The following LIN7A variants were observed in gnomAD, a reference collection of about 807,000 sequenced individuals.
LIN7A encodes lin-7 cell polarity scaffold A.
In LIN7A, 25 loss-of-function variants were observed where a neutral mutation model predicts 29.8. The observed-to-expected ratio is 0.84, with a 90% confidence interval of 0.61 to 1.17. The LOEUF (loss-of-function observed/expected upper bound fraction) is 1.17. Ranked by LOEUF, LIN7A falls within the 50% of genes most tolerant of loss-of-function variation. The probability of loss-of-function intolerance (pLI) is 0.00; values close to 1 mark genes in which losing one functional copy is unlikely to be tolerated. For missense variants in LIN7A, 239 were observed against 287.0 expected (o/e 0.83, Z 1.21); for synonymous variants, 118 against 107.5 (o/e 1.10, Z -0.60).
intron 1 of LIN7A, 131 bp from the exon 2 acceptor site, chr12:80,889,500 T>C: frequency 1.6e-6 from 1 of 616,316 alleles, no homozygotes; most frequent in Admixed American, 3.0e-5. Context: ...AGAACTTATA[T>C]TCATAGCTTT....
chr12:80,858,071 A>T (rs915510908), intron 2 of LIN7A, among the ~76,000 whole-genome samples: 1 of 152,202 alleles, frequency 6.6e-6, no homozygotes, highest in Admixed American at 6.5e-5. Context: ...CTATAGGTAC[A>T]TAATATAGCA....
At chr12:80,925,150 G>A (rs564471398) in intron 1 of LIN7A, among the ~76,000 whole-genome samples, 21 of 152,178 alleles carry the variant, frequency 1.4e-4, no homozygotes, top group Admixed American at 3.3e-4. Context: ...CAATGAGTAC[G>A]GAAAGATATA....
chr12:80,833,202 C>A (rs1042046681), intron 4 of LIN7A, among the ~76,000 whole-genome samples: 1 of 152,138 alleles, frequency 6.6e-6, no homozygotes, highest in African/African-American at 2.4e-5. Context: ...GAGCCATAGA[C>A]AACACAACCT....
chr12:80,855,124 G>GAA (rs200679961), intron 2 of LIN7A, among the ~76,000 whole-genome samples: 1 of 146,300 alleles, frequency 6.8e-6, no homozygotes, highest in Non-Finnish European at 1.5e-5. Context: ...TCAATGACTG[G>GAA]AAAAAAAAAA....
intron 2 of LIN7A, among the ~76,000 whole-genome samples, chr12:80,854,038 G>A (rs1268788982): frequency 2.0e-5 from 3 of 152,032 alleles, no homozygotes; most frequent in African/African-American, 7.2e-5. Flanking sequence ...AATACAAAAT[G>A]GTACAGCTAT....
chr12:80,895,117 A>C (rs1875818886), intron 1 of LIN7A, among the ~76,000 whole-genome samples: 1 of 152,200 alleles, frequency 6.6e-6, no homozygotes, highest in South Asian at 2.1e-4. Context: ...CAGTTATAAC[A>C]CTGCCGAAAG....
intron 1 of LIN7A, among the ~76,000 whole-genome samples, chr12:80,891,514 A>T (rs1027754316): frequency 2.0e-5 from 3 of 152,180 alleles, no homozygotes; most frequent in African/African-American, 7.2e-5. Context: ...CTGTTCCTGA[A>T]ATGCAATTCA....
intron 1 of LIN7A, among the ~76,000 whole-genome samples, chr12:80,911,484 A>C (rs1054676411): frequency 6.6e-6 from 1 of 152,078 alleles, no homozygotes; most frequent in Non-Finnish European, 1.5e-5. Context: ...ATTTATAAAC[A>C]AGACATTTAA....
intron 1 of LIN7A, among the ~76,000 whole-genome samples, chr12:80,923,606 C>A (rs908072546): frequency 6.6e-6 from 1 of 152,122 alleles, no homozygotes; most frequent in Non-Finnish European, 1.5e-5. Context: ...AAGCATTGTA[C>A]AAAGTTCCTT....
intron 4 of LIN7A, among the ~76,000 whole-genome samples, chr12:80,821,376 T>C (rs765652823): frequency 6.6e-6 from 1 of 152,158 alleles, no homozygotes. Flanking sequence ...CAGTGCATAG[T>C]AGTGCCTGGT....
At chr12:80,879,734 T>G (rs944846082) in intron 2 of LIN7A, among the ~76,000 whole-genome samples, 1 of 151,676 alleles carries the variant, frequency 6.6e-6, no homozygotes, top group East Asian at 1.9e-4. Context: ...TTATTTTTAG[T>G]ATCCAAACAA....
chr12:80,843,705 C>T (rs1872928035), intron 4 of LIN7A, among the ~76,000 whole-genome samples: 1 of 152,076 alleles, frequency 6.6e-6, no homozygotes, highest in Admixed American at 6.5e-5. Context: ...CAGAGCCCTT[C>T]AAATTAGTTA....
intron 2 of LIN7A, among the ~76,000 whole-genome samples, chr12:80,869,748 GTT>G (rs59507364): frequency 0.11 from 16,458 of 146,558 alleles, 2,341 homozygotes; most frequent in African/African-American, 0.34. Flanking sequence ...TACGCCAATG[GTT>G]TTTTTTTTTT....
At position 80,937,837 on chromosome 12, in the gene LIN7A, A is replaced by C; in HGVS notation, c.-115T>G. On this transcript the variant is annotated 5_prime_UTR_variant, in exon 1 of 6. Coordinates refer to ENST00000552864, the MANE Select transcript of LIN7A (RefSeq NM_004664.4). ...AGGAAGGTGGTGGTGGTGGAGAAGA[A>C]AGCTTGGGTGGGTTGGTAGCCAGAT... 1.3e-6 allele frequency: 1 copy of C among 774,260 alleles called. No individual in the cohort carries two copies. The allele number at this position is 774,260 out of a possible 1,614,324, so 48.0% of individuals were successfully genotyped here.
chr12:80,817,602 T>C (rs1210723015), intron 4 of LIN7A, among the ~76,000 whole-genome samples: 12 of 152,094 alleles, frequency 7.9e-5, no homozygotes, highest in Admixed American at 7.9e-4. Flanking sequence ...TTATCATCAT[T>C]TGGAGTAAAG....
At chr12:80,864,106 C>A (rs1476620510) in intron 2 of LIN7A, among the ~76,000 whole-genome samples, 2 of 151,928 alleles carry the variant, frequency 1.3e-5, no homozygotes, top group African/African-American at 4.8e-5. Flanking sequence ...ATAGAAGTCT[C>A]AAAAGACAAA....
chr12:80,846,047 T>C, intron 3 of LIN7A, 108 bp from the exon 4 acceptor site: 1 of 897,510 alleles, frequency 1.1e-6, no homozygotes, highest in Non-Finnish European at 1.6e-6. Context: ...ATTTTTATAG[T>C]ATTCTCCTGT....
chr12:80,907,143 C>T (rs1876527553), intron 1 of LIN7A, among the ~76,000 whole-genome samples: 1 of 150,066 alleles, frequency 6.7e-6, no homozygotes, highest in African/African-American at 2.4e-5. Context: ...AGCATTGTGC[C>T]TGGCACACAG....
In LIN7A at chr12:80,937,623, A is replaced by G; in HGVS notation, c.82+18T>C. Reference sequence around the variant, plus strand: ...GGAGAGGGGACGCGGTGGCCTGGCGAGCGAGCCGCTCCCTTACCTCTGTCC... The same window carrying G: ...GGAGAGGGGACGCGGTGGCCTGGCGGGCGAGCCGCTCCCTTACCTCTGTCC... On this transcript the variant is annotated intron_variant, in intron 1 of 5. Coordinates refer to ENST00000552864, the MANE Select transcript of LIN7A (RefSeq NM_004664.4). 6.8e-7 allele frequency: 1 copy of G among 1,465,028 alleles called. No individual in the cohort carries two copies. 90.8% of individuals were successfully genotyped at this position (1,465,028 alleles called of 1,614,324 possible). A position where few individuals can be genotyped will look rare whatever the true frequency, so the allele number is the denominator to read the frequency against.
Sources: gnomAD v4.1 joint callset for allele counts (sites outside exome capture counted in the v4.1 genomes callset) on GRCh38, gnomAD v4.1.1 for gene constraint, MANE v1.5 for transcripts, NCBI Gene and HGNC (gene_info 2026-07-23, HGNC 2026-07-21) for gene names.